Variants in SLC4A4 observed in about 807,000 individuals in gnomAD.
SLC4A4 encodes the protein electrogenic sodium bicarbonate cotransporter 1.
A neutral mutation model predicts 111.5 loss-of-function variants in SLC4A4; 27 were observed. The observed-to-expected ratio is 0.24, with a 90% CI of 0.18 to 0.33. The LOEUF (loss-of-function observed/expected upper bound fraction) is 0.33. Among genes scored for constraint, SLC4A4 ranks in the 10% least tolerant of loss-of-function variants. The pLI, the probability that SLC4A4 is intolerant of heterozygous loss-of-function variation, is 1.00. For missense variants in SLC4A4, 909 were observed against 1,315.5 expected (o/e 0.69, Z 4.78); for synonymous variants, 443 against 463.4 (o/e 0.96, Z 0.57).
In SLC4A4 at chr4:71,181,261, T is replaced by C. The variant is rs200993845; in HGVS notation, c.-1-55315T>C. Among the ~76,000 whole-genome samples, 7 of 151,762 alleles carry C rather than the reference T, an allele frequency of 4.6e-5. No individual in the cohort carries two copies. In the South Asian group the frequency reaches 1.5e-3, roughly 32 times the overall value. ...GGATAGCATTAGGAGATATATCTAA[T>C]GTTAAATGATGAGTTACCGAGTGCA... On this transcript the variant is annotated intron_variant, in intron 2 of 26. Transcript: ENST00000649996.
At chr4:71,159,362 A>G (rs1176420678) in intron 2 of SLC4A4, among the ~76,000 whole-genome samples, 2 of 151,826 alleles carry the variant, frequency 1.3e-5, no homozygotes, top group Non-Finnish European at 1.5e-5. Flanking sequence ...TTGGGTAAAT[A>G]TTTTATTTTT....
chr4:71,421,198 A>G (rs1722446611), intron 7 of SLC4A4, among the ~76,000 whole-genome samples: 1 of 152,114 alleles, frequency 6.6e-6, no homozygotes, highest in African/African-American at 2.4e-5. Flanking sequence ...AGTCTCTGAT[A>G]AAACAGACTT....
intron 3 of SLC4A4, among the ~76,000 whole-genome samples, chr4:71,270,662 C>T (rs1722641922): frequency 1.3e-5 from 2 of 152,350 alleles, no homozygotes; most frequent in East Asian, 3.9e-4. Flanking sequence ...CCTACTCTGA[C>T]TCACATTATT....
At chr4:71,349,637 A>T (rs910309783) in intron 4 of SLC4A4, among the ~76,000 whole-genome samples, 1 of 152,136 alleles carries the variant, frequency 6.6e-6, no homozygotes, top group African/African-American at 2.4e-5. Context: ...TAAGGATCTC[A>T]TGGTTACATA....
At chr4:71,436,495 C>T (rs549053887) in intron 7 of SLC4A4, among the ~76,000 whole-genome samples, 9 of 152,232 alleles carry the variant, frequency 5.9e-5, no homozygotes, top group Admixed American at 3.9e-4. Context: ...CACCACAGCA[C>T]GTGTATACAT....
chr4:71,368,329 G>C (rs1409675489), intron 6 of SLC4A4, among the ~76,000 whole-genome samples: 4 of 152,092 alleles, frequency 2.6e-5, no homozygotes, highest in Non-Finnish European at 5.9e-5. Context: ...TGCACCAAAG[G>C]TTAAAATGTT....
chr4:71,133,270 G>A (rs188996411), intron 2 of SLC4A4, among the ~76,000 whole-genome samples: 1 of 152,102 alleles, frequency 6.6e-6, no homozygotes, highest in East Asian at 1.9e-4. Context: ...GCTCTGTGAG[G>A]CTAAGCTTTA....
chr4:71,501,798 A>G (rs907806009), intron 16 of SLC4A4, among the ~76,000 whole-genome samples: 11 of 151,294 alleles, frequency 7.3e-5, no homozygotes, highest in Non-Finnish European at 1.5e-4. Flanking sequence ...GGTAGCTGGG[A>G]CTACAGGGGC....
chr4:71,120,172 A>G (rs1743376361), intron 2 of SLC4A4, among the ~76,000 whole-genome samples: 1 of 151,982 alleles, frequency 6.6e-6, no homozygotes, highest in African/African-American at 2.4e-5. Context: ...TGGATTGTTT[A>G]TATTAAAAGT....
intron 7 of SLC4A4, among the ~76,000 whole-genome samples, chr4:71,413,396 A>G (rs1721561122): frequency 1.3e-5 from 2 of 152,138 alleles, no homozygotes; most frequent in Admixed American, 1.3e-4. Flanking sequence ...TTTTACCTCA[A>G]CTGTCTTTCT....
At chr4:71,481,347 G>A (rs1728864613) in intron 14 of SLC4A4, among the ~76,000 whole-genome samples, 1 of 151,656 alleles carries the variant, frequency 6.6e-6, no homozygotes, top group Admixed American at 6.6e-5. Context: ...TGATGGTACA[G>A]TTCCTGCTAA....
chr4:71,232,827 C>T (rs753359849), intron 1 of SLC4A4, among the ~76,000 whole-genome samples: 3 of 152,152 alleles, frequency 2.0e-5, no homozygotes, highest in Middle Eastern at 3.2e-3. Context: ...AGGACCAGTT[C>T]GATTAATAGT....
intron 1 of SLC4A4, among the ~76,000 whole-genome samples, chr4:71,219,963 T>A (rs957938480): frequency 6.6e-6 from 1 of 152,196 alleles, no homozygotes; most frequent in Non-Finnish European, 1.5e-5. Context: ...TGAGATCGAA[T>A]CTGCTCCTGG....
chr4:71,090,175 G>C (rs1458440787), intron 1 of SLC4A4, among the ~76,000 whole-genome samples: 1 of 151,572 alleles, frequency 6.6e-6, no homozygotes, highest in East Asian at 1.9e-4. Context: ...GAGGCTCCGT[G>C]GGTGTAGGAC....
intron 2 of SLC4A4, among the ~76,000 whole-genome samples, chr4:71,177,777 G>C (rs1745146465): frequency 6.6e-6 from 1 of 152,188 alleles, no homozygotes; most frequent in Non-Finnish European, 1.5e-5. Context: ...GAATGGGACA[G>C]AAAGTTAACA....
At chr4:71,412,652 A>T (rs1174229130) in intron 7 of SLC4A4, among the ~76,000 whole-genome samples, 1 of 152,204 alleles carries the variant, frequency 6.6e-6, no homozygotes, top group Non-Finnish European at 1.5e-5. Context: ...AGGAGGTCTC[A>T]TTATAGACTG....
chr4:71,138,218 G>A (rs1560739000), intron 2 of SLC4A4, among the ~76,000 whole-genome samples: 1 of 152,088 alleles, frequency 6.6e-6, no homozygotes, highest in Non-Finnish European at 1.5e-5. Context: ...ACTCTTCGTG[G>A]AGGCCAGTGT....
At chr4:71,100,315 T>C (rs1742687276) in intron 2 of SLC4A4, among the ~76,000 whole-genome samples, 3 of 151,696 alleles carry the variant, frequency 2.0e-5, no homozygotes, top group Admixed American at 2.0e-4. Flanking sequence ...AATCAATAAA[T>C]GTGATTCATC....
intron 6 of SLC4A4, among the ~76,000 whole-genome samples, chr4:71,376,982 C>G (rs1732467206): frequency 6.6e-6 from 1 of 151,982 alleles, no homozygotes; most frequent in Non-Finnish European, 1.5e-5. Flanking sequence ...TGAAACAGTG[C>G]CTTTCTTTTT....
Sources: allele counts gnomAD v4.1 joint callset (sites outside exome capture counted in the v4.1 genomes callset), GRCh38; gene constraint gnomAD v4.1.1; transcripts MANE v1.5; gene names NCBI Gene and HGNC (gene_info 2026-07-23, HGNC 2026-07-21).